KIF17: variants seen among roughly 807,000 people sequenced by gnomAD.
KIF17 encodes the protein kinesin-like protein KIF17.
A neutral mutation model predicts 96.8 loss-of-function variants in KIF17; 80 were observed. The observed-to-expected ratio is 0.83, with a 90% CI of 0.69 to 1.00. The LOEUF (loss-of-function observed/expected upper bound fraction) is 1.00. Ranked by LOEUF, KIF17 falls within the 50% of genes least tolerant of loss-of-function variation. The probability of loss-of-function intolerance (pLI) is 0.00; values close to 1 mark genes in which losing one functional copy is unlikely to be tolerated. For missense variants in KIF17, 1,280 were observed against 1,372.9 expected, an observed-to-expected ratio of 0.93 and a Z score of 1.07; for synonymous variants, 567 against 587.5, an observed-to-expected ratio of 0.97 and a Z score of 0.51.
chr1:20,715,529 G>A lies in KIF17; in HGVS notation c.342C>T (p.Ile114=), dbSNP rs553347619. 1.9e-6 allele frequency: 3 copies of A among 1,613,582 alleles called. No homozygotes were observed. The Admixed American group carries it at 5.0e-5, about 27-fold the overall frequency. The change falls in exon 2 of 15, where the codon ATC becomes ATT. Residue 114 remains isoleucine, a synonymous_variant. Transcript: ENST00000400463. ...LPDPPSQRGI[I]PRAFEHVFES... ...CGAACACGTGCTCGAAGGCCCTGGG[G>A]ATGATGCCTCTCTGGGAGGGCGGAT... is the stretch of plus-strand genomic sequence containing the variant.
Position 20,715,632 on chromosome 1 carries a change from G to A in KIF17, c.239C>T (p.Thr80Ile). 1 of 1,613,380 alleles carries A rather than the reference G, an allele frequency of 6.2e-7. No homozygotes were observed. Among genetic ancestry groups the A allele is most frequent in the Non-Finnish European group, 8.5e-7 (1 of 1,179,686 alleles). ...AAAGATGGTGCCATTGTAGCCCTCA[G>A]TGACGCCCTGCATGGGAGGAAGGCA... ...EIAYPLVEGVTEGYNGTIFAY... is the reference protein window; with the variant it reads ...EIAYPLVEGVIEGYNGTIFAY... The change falls in exon 2 of 15, where the codon ACT becomes ATT. Residue 80 changes from threonine to isoleucine, a missense_variant. Coordinates refer to ENST00000400463, the MANE Select transcript of KIF17 (RefSeq NM_001122819.3).
Position 20,687,676 on chromosome 1 carries a change from G to C in KIF17, c.1650C>G (p.Ser550=). 1 of 1,614,184 alleles carries C rather than the reference G, an allele frequency of 6.2e-7. No homozygotes were observed. Among genetic ancestry groups the C allele is most frequent in the Non-Finnish European group, 8.5e-7 (1 of 1,180,044 alleles). Reference sequence around the variant, plus strand: ...GCTCCTCAGGCCCAGGGAAAGCCTCGGACACAGAGGTTTCTTCGAGCGAGG... The same window carrying C: ...GCTCCTCAGGCCCAGGGAAAGCCTCCGACACAGAGGTTTCTTCGAGCGAGG... ...ESSSLEETSV[S]EAFPGPEEPS... is the part of the protein sequence containing the mutation. Residue 550 remains serine, a synonymous_variant, in exon 8 of 15, where the codon TCC becomes TCG. Coordinates refer to ENST00000400463, the MANE Select transcript of KIF17 (RefSeq NM_001122819.3). The surrounding 1 kb of genome is among the most constrained non-coding windows in gnomAD (Gnocchi z 4.4).
At chr1:20,682,374 A>G (rs1267971062) in intron 11 of KIF17, among the ~76,000 whole-genome samples, 1 of 152,178 alleles carries the variant, frequency 6.6e-6, no homozygotes, top group Admixed American at 6.5e-5. Flanking sequence ...AATTTAATAA[A>G]GTAGCCAGGT....
rs779814194 is a variant in KIF17 at position 20,699,966 on chromosome 1, T to C, written c.1124-1478A>G. Among the ~76,000 whole-genome samples, 7 of 152,030 alleles carry C rather than the reference T, an allele frequency of 4.6e-5. No homozygotes were observed. The highest frequency in any genetic ancestry group is 8.8e-5 in the Non-Finnish European group (6 of 67,988). ...CTCTCCCTGGCTGCTGCGTGGAGAG[T>C]GCACTGAGGGGAACCAGGGTTAGGC... On this transcript the variant is annotated intron_variant, in intron 5 of 14. Transcript: ENST00000400463. The surrounding 1 kb of genome is among the most constrained non-coding windows in gnomAD (Gnocchi z 4.3).
chr1:20,707,780 A>AGTGTGTGTGT (rs1557603646), intron 4 of KIF17, among the ~76,000 whole-genome samples: 5 of 99,912 alleles, frequency 5.0e-5, no homozygotes, highest in African/African-American at 2.6e-4. Flanking sequence ...AAAACAAACC[A>AGTGTGTGTGT]ATGTGTATGT....
chr1:20,669,537 A>AAATAATAAT (rs71585778), intron 13 of KIF17, among the ~76,000 whole-genome samples: 1,347 of 121,084 alleles, frequency 0.011, 15 homozygotes, highest in Non-Finnish European at 0.015. Context: ...CTCTGTCTCG[A>AAATAATAAT]AATAATAATA....
chr1:20,717,407 GC>G lies in KIF17; in HGVS notation c.231+68del, dbSNP rs112068897. The G allele has an allele frequency of 2.0e-3, 3,164 of 1,563,702 alleles. 58 individuals are homozygous for G. In the African/African-American group the frequency reaches 0.039, roughly 19 times the overall value. On this transcript the variant is annotated intron_variant, in intron 1 of 14. Coordinates refer to ENST00000400463, the MANE Select transcript of KIF17 (RefSeq NM_001122819.3). ...TTCCTCCTGGCTGGGGGGCAGCGCA[GC>G]CCCCTGGGGACTCTCGGGGCGGCCT...
chr1:20,663,573 C>A (rs893166947), downstream of KIF17, among the ~76,000 whole-genome samples: 3 of 152,210 alleles, frequency 2.0e-5, no homozygotes, highest in African/African-American at 4.8e-5. Context: ...AAAGGCCAAG[C>A]CTTTTCCCTT....
intron 6 of KIF17, among the ~76,000 whole-genome samples, chr1:20,691,624 ATTTTTTTTTTTT>A (rs72410884): frequency 0.36 from 44,615 of 123,212 alleles, 7,192 homozygotes; most frequent in African/African-American, 0.42. Flanking sequence ...ACGTCTGGCT[ATTTTTTTTTTTT>A]TTTTTTTTTT....
intron 8 of KIF17, chr1:20,686,338 G>A: frequency 1.6e-6 from 1 of 619,458 alleles, no homozygotes; most frequent in Non-Finnish European, 2.9e-6. Context: ...GGCGTGTGGT[G>A]GGCACCTGCT....
Position 20,669,537 on chromosome 1 carries a change from A to AAATAATAATAAT in KIF17, c.2790+872_2790+883dup, listed in dbSNP as rs71585778. Among the ~76,000 whole-genome samples the AAATAATAATAAT allele has an allele frequency of 1.6e-3, 188 of 121,122 alleles. 1 individual carries two copies. Among genetic ancestry groups the AAATAATAATAAT allele is most frequent in the South Asian group, 0.011 (41 of 3,746 alleles). The allele number at this position is 121,122 out of a possible 152,430, so 79.5% of individuals were successfully genotyped here. On this transcript the variant is annotated intron_variant, in intron 13 of 14. Coordinates refer to ENST00000400463, the MANE Select transcript of KIF17 (RefSeq NM_001122819.3). ...GGCGACAGAGCGAGACTCTGTCTCG[A>AAATAATAATAAT]AATAATAATAATAATAATAATAATA...
At chr1:20,688,709 T>C (rs2053984589) in intron 7 of KIF17, among the ~76,000 whole-genome samples, 2 of 152,224 alleles carry the variant, frequency 1.3e-5, no homozygotes, top group African/African-American at 2.4e-5. Flanking sequence ...CCACTGGATA[T>C]GCTAGATCCA....
chr1:20,670,974 C>T (rs1256392749), intron 12 of KIF17, among the ~76,000 whole-genome samples: 1 of 152,154 alleles, frequency 6.6e-6, no homozygotes, highest in Non-Finnish European at 1.5e-5. Flanking sequence ...GGTGAGGAGG[C>T]TTTCAAGGTC....
At chr1:20,715,429 G>C in intron 2 of KIF17, 64 bp downstream of exon 2, 1 of 1,596,392 alleles carries the variant, frequency 6.3e-7, no homozygotes, top group South Asian at 1.1e-5. Flanking sequence ...TCTGCCACCT[G>C]TCAGAAGTGC....
downstream of KIF17, among the ~76,000 whole-genome samples, chr1:20,663,069 A>G (rs2053463969): frequency 6.6e-6 from 1 of 151,980 alleles, no homozygotes; most frequent in African/African-American, 2.4e-5. Context: ...CTCTAATACA[A>G]AAAATTTAGC....
intron 12 of KIF17, among the ~76,000 whole-genome samples, chr1:20,670,850 G>T (rs531073053): frequency 6.6e-6 from 1 of 152,254 alleles, no homozygotes; most frequent in East Asian, 1.9e-4. Flanking sequence ...TGAACACGCT[G>T]AGCAAGAGGG....
At chr1:20,711,461 T>C (rs2154537646) in intron 3 of KIF17, among the ~76,000 whole-genome samples, 1 of 152,220 alleles carries the variant, frequency 6.6e-6, no homozygotes, top group East Asian at 1.9e-4. Flanking sequence ...TCATCTCTGC[T>C]GCGGAGAGGC....
At position 20,686,116 on chromosome 1, in the gene KIF17, G is replaced by A. The variant is rs41310420; in HGVS notation, c.1949C>T (p.Pro650Leu). 8.2e-3 allele frequency: 12,839 copies of A among 1,566,944 alleles called. 61 individuals are homozygous for A. Among genetic ancestry groups the A allele is most frequent in the Non-Finnish European group, 0.01 (11,704 of 1,155,428 alleles). The change falls in exon 9 of 15, where the codon CCG becomes CTG. Residue 650 changes from proline to leucine, a missense_variant. By Grantham distance (98) the Pro-to-Leu change is moderately conservative (BLOSUM62 -3). Transcript: ENST00000400463. ...ATCACTGGGCTCCAGCAGGTCTGTC[G>A]GCGCAGGGACCTGGGAGGAAAGAGG... ...VPKVPVQVPA[P>L]TDLLEPSDAR...
chr1:20,704,154 G>A lies in KIF17; in HGVS notation c.1123+293C>T, dbSNP rs2054296126. Among the ~76,000 whole-genome samples the A allele has an allele frequency of 2.6e-5, 4 of 151,224 alleles. No individual in the cohort carries two copies. Among genetic ancestry groups the A allele is most frequent in the Admixed American group, 2.0e-4 (3 of 15,186 alleles). ...ACAGCAGCAGACGGGGGTGTGGTGG[G>A]GGGTGTGGTGGGGGTGGGGGGGATA... is the stretch of plus-strand genomic sequence containing the variant. On this transcript the variant is annotated intron_variant, in intron 5 of 14. Coordinates refer to ENST00000400463, the MANE Select transcript of KIF17 (RefSeq NM_001122819.3). This position sits in a 1 kb window ranked among gnomAD's most constrained non-coding sequence, Gnocchi z 6.8.
Sources: allele counts gnomAD v4.1 joint callset (sites outside exome capture counted in the v4.1 genomes callset), GRCh38; gene constraint gnomAD v4.1.1; non-coding constraint Gnocchi (gnomAD v3.1); transcripts MANE v1.5; gene names NCBI Gene and HGNC (gene_info 2026-07-23, HGNC 2026-07-21).